Variants in ARMC9 observed in about 807,000 individuals in gnomAD.
ARMC9 encodes the protein armadillo repeat containing 9.
A neutral mutation model predicts 107.0 loss-of-function variants in ARMC9; 94 were observed. The observed-to-expected ratio is 0.88, with a 90% confidence interval of 0.74 to 1.04. ARMC9 has a LOEUF of 1.04. ARMC9 is among the 50% of genes least tolerant of loss of function. The pLI is 0.00. For missense variants in ARMC9, 942 were observed against 1,030.1 expected, an observed-to-expected ratio of 0.91 and a Z score of 1.17; for synonymous variants, 380 against 396.9, an observed-to-expected ratio of 0.96 and a Z score of 0.51.
Position 231,250,095 on chromosome 2 carries a change from C to T in ARMC9, c.880-6491C>T, listed in dbSNP as rs2037160183. ...GATGCCCCAGGCCTGCCAGGCCTTT[C>T]CCTGAGCTCTCAGCCTGAAATCCTA... is the stretch of plus-strand genomic sequence containing the variant. On this transcript the variant is annotated intron_variant, in intron 9 of 24. Transcript: ENST00000611582. 2.0e-5 allele frequency among the ~76,000 whole-genome samples: 3 copies of T among 152,210 alleles called. No homozygotes were observed. The South Asian group carries it at 6.2e-4, about 32-fold the overall frequency.
At chr2:231,349,304 A>AT (rs2125586638) in intron 21 of ARMC9, among the ~76,000 whole-genome samples, 1 of 152,370 alleles carries the variant, frequency 6.6e-6, no homozygotes, top group East Asian at 1.9e-4. Context: ...GGAGATCATT[A>AT]TGCTACATGA....
At chr2:231,332,837 C>A (rs2043833772) in intron 20 of ARMC9, among the ~76,000 whole-genome samples, 1 of 152,156 alleles carries the variant, frequency 6.6e-6, no homozygotes, top group Non-Finnish European at 1.5e-5. Context: ...CTAAAAGAGG[C>A]TCCTAGAACT....
chr2:231,313,577 T>A (rs189825396), intron 19 of ARMC9, among the ~76,000 whole-genome samples: 190 of 152,236 alleles, frequency 1.2e-3, no homozygotes, highest in Middle Eastern at 3.4e-3. Flanking sequence ...TCCCCACAAT[T>A]CAATTTTAAA....
intron 3 of ARMC9, among the ~76,000 whole-genome samples, chr2:231,213,079 G>T (rs1372455406): frequency 6.6e-6 from 1 of 151,620 alleles, no homozygotes; most frequent in East Asian, 1.9e-4. Flanking sequence ...TCCATTTTAT[G>T]TTAGAAAATT....
intron 3 of ARMC9, among the ~76,000 whole-genome samples, chr2:231,210,950 T>A (rs977570686): frequency 2.0e-5 from 3 of 152,166 alleles, no homozygotes; most frequent in African/African-American, 7.2e-5. Flanking sequence ...CTATTCTACT[T>A]TCTGTCTATG....
chr2:231,339,211 C>T (rs1321158981), intron 20 of ARMC9, among the ~76,000 whole-genome samples: 1 of 151,950 alleles, frequency 6.6e-6, no homozygotes, highest in East Asian at 1.9e-4. Flanking sequence ...ATCTGTAATC[C>T]CAGCTACTCA....
intron 10 of ARMC9, 48 bp from the exon 11 acceptor site, chr2:231,258,943 A>G (rs2038088394): frequency 3.3e-6 from 5 of 1,501,130 alleles, no homozygotes; most frequent in African/African-American, 1.4e-5. Flanking sequence ...TGTAATAAAC[A>G]TGCCCTTTTG....
At position 231,282,028 on chromosome 2, in the gene ARMC9, C is replaced by G. The variant is rs1212144883; in HGVS notation, c.1552-31C>G. The G allele has an allele frequency of 4.4e-6, 7 of 1,604,818 alleles. No individual in the cohort carries two copies. In the Admixed American group the frequency reaches 5.0e-5, roughly 11 times the overall value. ...GAGTTGTGCAGTATTTGAAAACTTG[C>G]AAATAACTGGTTTTTTTCCTCCCCT... On this transcript the variant is annotated intron_variant, in intron 16 of 24. Coordinates refer to ENST00000611582, the MANE Select transcript of ARMC9 (RefSeq NM_001352754.2).
chr2:231,236,936 A>C (rs1045012501), intron 8 of ARMC9, among the ~76,000 whole-genome samples: 1 of 152,232 alleles, frequency 6.6e-6, no homozygotes, highest in Non-Finnish European at 1.5e-5. Flanking sequence ...ACTGTGTCTC[A>C]AATAAATAAA....
At chr2:231,319,372 C>T (rs113539616) in intron 19 of ARMC9, among the ~76,000 whole-genome samples, 1 of 152,076 alleles carries the variant, frequency 6.6e-6, no homozygotes, top group African/African-American at 2.4e-5. Flanking sequence ...CCTGATTCTG[C>T]CATGTACAAG....
In ARMC9 at chr2:231,376,399, G is replaced by A. The variant is rs542731755; in HGVS notation, c.*4864G>A. 1.1e-3 allele frequency among the ~76,000 whole-genome samples: 160 copies of A among 152,234 alleles called. 6 individuals carry two copies. The highest frequency in any genetic ancestry group is 9.4e-4 in the Non-Finnish European group (64 of 68,016). ...CCTGAGAAAGAGAATGCACACCTGG[G>A]GGTGGGTCTCTGAACTGGCCCCCCT... On this transcript the variant is annotated 3_prime_UTR_variant, in exon 25 of 25. Coordinates refer to ENST00000611582, the MANE Select transcript of ARMC9 (RefSeq NM_001352754.2).
intron 23 of ARMC9, among the ~76,000 whole-genome samples, chr2:231,364,614 A>G (rs1351652745): frequency 6.6e-6 from 1 of 152,162 alleles, no homozygotes; most frequent in Non-Finnish European, 1.5e-5. Flanking sequence ...CCTGACCAAC[A>G]TGGTGAAACC....
chr2:231,224,472 A>G (rs1559312491), intron 6 of ARMC9, among the ~76,000 whole-genome samples: 1 of 152,214 alleles, frequency 6.6e-6, no homozygotes, highest in Non-Finnish European at 1.5e-5. Flanking sequence ...AGAATAAAAA[A>G]AGATCATAGT....
In ARMC9 at chr2:231,231,749, C is replaced by T. The variant is rs376153655; in HGVS notation, c.623-3475C>T. Reference sequence around the variant, plus strand: ...TGTCGCCCAGCATGGAGTGCAGTGGCGTGATCTTGGCTCACTGCAACCTCC... The same window carrying T: ...TGTCGCCCAGCATGGAGTGCAGTGGTGTGATCTTGGCTCACTGCAACCTCC... On this transcript the variant is annotated intron_variant, in intron 7 of 24. Transcript: ENST00000611582. 5.3e-5 allele frequency among the ~76,000 whole-genome samples: 8 copies of T among 151,078 alleles called. No individual in the cohort carries two copies. In the East Asian group the frequency reaches 7.8e-4, roughly 15 times the overall value.
chr2:231,272,819 TA>T lies in ARMC9; in HGVS notation c.1211-134del, dbSNP rs374167717. The T allele has an allele frequency of 6.7e-6, 8 of 1,194,118 alleles. No homozygotes were observed. In the African/African-American group the frequency reaches 1.1e-4, roughly 16 times the overall value. 74.0% of individuals were successfully genotyped at this position (1,194,118 alleles called of 1,614,324 possible). ...GCGTGAGCCACCGCGCCCTGCCCAG[TA>T]AGTTTTTTAGAACATAAAATTACCC... is the stretch of plus-strand genomic sequence containing the variant. On this transcript the variant is annotated intron_variant, in intron 13 of 24. Transcript: ENST00000611582.
At chr2:231,341,705 T>G (rs1016468594) in intron 20 of ARMC9, among the ~76,000 whole-genome samples, 1 of 151,616 alleles carries the variant, frequency 6.6e-6, no homozygotes, top group African/African-American at 2.4e-5. Flanking sequence ...TTACAGAAAT[T>G]CATACTGCTT....
chr2:231,310,045 G>A (rs114437874), intron 19 of ARMC9, among the ~76,000 whole-genome samples: 382 of 152,298 alleles, frequency 2.5e-3, no homozygotes, highest in Middle Eastern at 0.02. Flanking sequence ...ACCATACTCG[G>A]TTTAGTGGAG....
intron 19 of ARMC9, among the ~76,000 whole-genome samples, chr2:231,313,231 G>A (rs561029022): frequency 6.6e-6 from 1 of 152,204 alleles, no homozygotes; most frequent in Non-Finnish European, 1.5e-5. Context: ...AATGTCCTTT[G>A]TCTCTAATAA....
chr2:231,240,040 C>T lies in ARMC9; in HGVS notation c.878C>T (p.Thr293Met), dbSNP rs761665532. ...AGTGTGGACTTCACGAGGCCTGGGA[C>T]GGTGAGGCTCTGCGCTCAGGGCAGG... is the stretch of plus-strand genomic sequence containing the variant. ...AHSVDFTRPG[T>M]ASTMLRASLA... The change falls in exon 9 of 25, where the codon ACG becomes ATG. Residue 293 changes from threonine (T) to methionine (M), a missense_variant and splice_region_variant. Physicochemically the swap from Thr to Met is moderately conservative, Grantham distance 81. Transcript: ENST00000611582. 1.7e-5 allele frequency: 27 copies of T among 1,612,192 alleles called. No homozygotes were observed. The Admixed American group carries it at 3.7e-4, about 22-fold the overall frequency.
Sources: allele counts gnomAD v4.1 joint callset (sites outside exome capture counted in the v4.1 genomes callset), GRCh38; gene constraint gnomAD v4.1.1; transcripts MANE v1.5; gene names NCBI Gene and HGNC (gene_info 2026-07-23, HGNC 2026-07-21).